Variants in IQGAP2 observed in about 807,000 individuals in gnomAD.
IQGAP2 encodes the protein IQ motif containing GTPase activating protein 2.
In IQGAP2, 173 loss-of-function variants were observed where a neutral mutation model predicts 201.3. The ratio of observed to expected loss-of-function variants is 0.86; its 90% CI spans 0.76 to 0.98. The LOEUF is 0.98. IQGAP2 is among the 50% of genes least tolerant of loss of function. The probability of loss-of-function intolerance (pLI) is 0.00; values close to 1 mark genes in which losing one functional copy is unlikely to be tolerated. For missense variants in IQGAP2, 1,687 were observed against 1,864.8 expected, an observed-to-expected ratio of 0.90 and a Z score of 1.76; for synonymous variants, 675 against 673.9, an observed-to-expected ratio of 1.00 and a Z score of -0.03.
intron 30 of IQGAP2, among the ~76,000 whole-genome samples, chr5:76,692,707 G>A (rs575637900): frequency 1.3e-5 from 2 of 152,278 alleles, no homozygotes; most frequent in Admixed American, 6.5e-5. Flanking sequence ...TCCACCTGAA[G>A]ACTGGAAGAA....
intron 3 of IQGAP2, among the ~76,000 whole-genome samples, 168 bp downstream of exon 3, chr5:76,562,720 A>T (rs1449125632): frequency 6.6e-6 from 1 of 152,194 alleles, no homozygotes; most frequent in Non-Finnish European, 1.5e-5. Flanking sequence ...TTTAAAAAGC[A>T]AAGTGTTTCT....
Position 76,634,700 on chromosome 5 carries a change from A to C in IQGAP2, c.1781-2334A>C, listed in dbSNP as rs79771262. ...GGCACGCACAGGATGATTTATTCTT[A>C]TCTCTTTCACCTCTGGTTCTAGGAT... On this transcript the variant is annotated intron_variant, in intron 15 of 35. Coordinates refer to ENST00000274364, the MANE Select transcript of IQGAP2 (RefSeq NM_006633.5). 2.4e-3 allele frequency among the ~76,000 whole-genome samples: 358 copies of C among 152,338 alleles called. 2 individuals are homozygous for C. The highest frequency in any genetic ancestry group is 8.2e-3 in the African/African-American group (341 of 41,582).
chr5:76,686,343 G>T (rs173779), intron 30 of IQGAP2, among the ~76,000 whole-genome samples: 95,780 of 130,048 alleles, frequency 0.74, 31,875 homozygotes, highest in East Asian at 0.89. Context: ...TGTTTTTTTT[G>T]TTGTTGTTGT....
intron 2 of IQGAP2, among the ~76,000 whole-genome samples, chr5:76,462,699 C>T (rs761266215): frequency 6.6e-6 from 1 of 152,170 alleles, no homozygotes; most frequent in African/African-American, 2.4e-5. Flanking sequence ...GAATGGCTAT[C>T]TACAGAACTA....
At chr5:76,616,320 T>C (rs1346467166) in intron 13 of IQGAP2, 1 of 152,270 alleles carries the variant, frequency 6.6e-6, no homozygotes, top group Admixed American at 6.6e-5. Flanking sequence ...TGAGGCAGAG[T>C]GGAGATATAG....
chr5:76,537,043 T>C (rs1759668467), intron 2 of IQGAP2, among the ~76,000 whole-genome samples: 1 of 152,234 alleles, frequency 6.6e-6, no homozygotes, highest in Non-Finnish European at 1.5e-5. Flanking sequence ...ACTTGGCAAG[T>C]TCTGTACCAA....
At chr5:76,622,521 T>C (rs1351157320) in intron 13 of IQGAP2, among the ~76,000 whole-genome samples, 1 of 152,210 alleles carries the variant, frequency 6.6e-6, no homozygotes, top group African/African-American at 2.4e-5. Flanking sequence ...TACAGACCTA[T>C]CCCAAATTTG....
chr5:76,631,202 G>T lies in IQGAP2; in HGVS notation c.1613-657G>T, dbSNP rs406217. Reference sequence around the variant, plus strand: ...ATTGGACATTCTTACCTGGAATTAAGGTGGGAAATAATTCACTAAGTTAAC... The same window carrying T: ...ATTGGACATTCTTACCTGGAATTAATGTGGGAAATAATTCACTAAGTTAAC... On this transcript the variant is annotated intron_variant, in intron 14 of 35. Coordinates refer to ENST00000274364, the MANE Select transcript of IQGAP2 (RefSeq NM_006633.5). 3.9e-5 allele frequency among the ~76,000 whole-genome samples: 6 copies of T among 152,222 alleles called. No individual in the cohort carries two copies. In the East Asian group the frequency reaches 1.2e-3, roughly 29 times the overall value.
intron 23 of IQGAP2, among the ~76,000 whole-genome samples, chr5:76,669,104 T>C (rs1744064331): frequency 6.6e-6 from 1 of 152,342 alleles, no homozygotes; most frequent in South Asian, 2.1e-4. Flanking sequence ...AATAGCATAT[T>C]GAAAGTCAGT....
chr5:76,474,449 A>G (rs149799824), intron 2 of IQGAP2, among the ~76,000 whole-genome samples: 1,707 of 152,270 alleles, frequency 0.011, 13 homozygotes, highest in Non-Finnish European at 0.016. Context: ...TTGATCTTTC[A>G]TTTTTGCTGA....
At chr5:76,635,762 G>T (rs1289310304) in intron 15 of IQGAP2, among the ~76,000 whole-genome samples, 1 of 140,092 alleles carries the variant, frequency 7.1e-6, no homozygotes, top group African/African-American at 2.7e-5. Flanking sequence ...TGGGGAGGTT[G>T]AGGCTGCAGT....
At chr5:76,585,418 G>A (rs1746175933) in intron 5 of IQGAP2, among the ~76,000 whole-genome samples, 1 of 152,020 alleles carries the variant, frequency 6.6e-6, no homozygotes, top group Non-Finnish European at 1.5e-5. Context: ...GTAAAAAGAG[G>A]AGGAAAGTGC....
chr5:76,684,242 G>A (rs1745547467), intron 30 of IQGAP2, among the ~76,000 whole-genome samples: 1 of 152,154 alleles, frequency 6.6e-6, no homozygotes, highest in Non-Finnish European at 1.5e-5. Context: ...GTGGCCAGAA[G>A]ATTAGTGAGG....
chr5:76,622,930 T>C (rs1749849298), intron 13 of IQGAP2, among the ~76,000 whole-genome samples: 1 of 152,232 alleles, frequency 6.6e-6, no homozygotes, highest in Non-Finnish European at 1.5e-5. Flanking sequence ...ATCTAAAATC[T>C]TGAATATGCC....
intron 2 of IQGAP2, chr5:76,510,355 A>G: frequency 5.9e-6 from 1 of 168,192 alleles, no homozygotes; most frequent in South Asian, 1.3e-4. Context: ...AAGGTTTTCC[A>G]ATATAGTATT....
At chr5:76,623,248 C>G (rs768780535) in intron 13 of IQGAP2, 5 of 1,613,772 alleles carry the variant, frequency 3.1e-6, no homozygotes, top group Non-Finnish European at 4.2e-6. Flanking sequence ...ACCTGAGTCC[C>G]GTCTCTTAAA....
chr5:76,619,720 A>G (rs373722446), intron 13 of IQGAP2, among the ~76,000 whole-genome samples: 154 of 151,994 alleles, frequency 1.0e-3, no homozygotes, highest in South Asian at 1.5e-3. Context: ...GGGTTTCACC[A>G]TGTTAGCCAG....
Position 76,707,999 on chromosome 5 carries a change from C to T in IQGAP2, c.*686C>T, listed in dbSNP as rs1038868000. The T allele has an allele frequency of 1.8e-4, 28 of 152,782 alleles. No individual in the cohort carries two copies. Among genetic ancestry groups the T allele is most frequent in the African/African-American group, 6.7e-4 (28 of 41,572 alleles). The allele number at this position is 152,782 out of a possible 1,614,324, so 9.5% of individuals were successfully genotyped here. ...GTGAGCATAGTCCCCACCTCCACCC[C>T]TCACAATTTATTTGAATACTTCAAT... On this transcript the variant is annotated 3_prime_UTR_variant, in exon 36 of 36. Coordinates refer to ENST00000274364, the MANE Select transcript of IQGAP2 (RefSeq NM_006633.5).
chr5:76,618,631 C>T, intron 13 of IQGAP2: 1 of 1,610,794 alleles, frequency 6.2e-7, no homozygotes, highest in South Asian at 1.1e-5. Context: ...TTGTTTGTAT[C>T]ATTTTCCATG....
Sources: allele counts gnomAD v4.1 joint callset (sites outside exome capture counted in the v4.1 genomes callset), GRCh38; gene constraint gnomAD v4.1.1; transcripts MANE v1.5; gene names NCBI Gene and HGNC (gene_info 2026-07-23, HGNC 2026-07-21).